The following NINL variants were observed in gnomAD, a reference collection of about 807,000 sequenced individuals.
NINL encodes the protein ninein-like protein.
In NINL, 153 loss-of-function variants were observed where a neutral mutation model predicts 160.3. The observed-to-expected ratio is 0.95, with a 90% CI of 0.84 to 1.09. The LOEUF (loss-of-function observed/expected upper bound fraction) is 1.09, where lower values mean the gene tolerates loss of function less well. NINL is among the 50% of genes least tolerant of loss of function. The pLI is 0.00. For missense variants in NINL, 1,829 were observed against 1,764.0 expected (o/e 1.04, Z -0.66); for synonymous variants, 800 against 734.8 (o/e 1.09, Z -1.43).
chr20:25,516,326 T>C (rs1301411687), intron 3 of NINL, among the ~76,000 whole-genome samples: 1 of 151,972 alleles, frequency 6.6e-6, no homozygotes, highest in East Asian at 1.9e-4. Context: ...TGATAAGGAA[T>C]AGGACCATTT....
chr20:25,467,646 C>T (rs1231353178), intron 18 of NINL, among the ~76,000 whole-genome samples, 188 bp from the exon 19 acceptor site: 1 of 152,170 alleles, frequency 6.6e-6, no homozygotes, highest in Non-Finnish European at 1.5e-5. Flanking sequence ...ACGACGATCC[C>T]GTCTTCCATG....
intron 1 of NINL, among the ~76,000 whole-genome samples, chr20:25,538,971 G>C (rs931022983): frequency 6.6e-6 from 1 of 152,172 alleles, no homozygotes; most frequent in Non-Finnish European, 1.5e-5. Context: ...GAGAGGCCCT[G>C]CCCACTGACC....
At chr20:25,562,188 G>A (rs1202528744) in intron 1 of NINL, among the ~76,000 whole-genome samples, 21 of 124,104 alleles carry the variant, frequency 1.7e-4, no homozygotes, top group Non-Finnish European at 2.3e-4. Flanking sequence ...TCAGCCCCCT[G>A]CCCGGCCAGC....
At chr20:25,537,918 C>T (rs530377828) in intron 1 of NINL, among the ~76,000 whole-genome samples, 8 of 152,346 alleles carry the variant, frequency 5.3e-5, no homozygotes, top group South Asian at 2.1e-4. Flanking sequence ...TCTACACTCG[C>T]ACTCTTGCTG....
intron 14 of NINL, among the ~76,000 whole-genome samples, chr20:25,481,457 T>C (rs990150590): frequency 6.6e-6 from 1 of 152,112 alleles, no homozygotes; most frequent in African/African-American, 2.4e-5. Context: ...TTGGAGCTTG[T>C]CCTAATCCCA....
intron 13 of NINL, 23 bp from the exon 14 acceptor site, chr20:25,482,123 C>T (rs749778406): frequency 1.3e-6 from 2 of 1,584,914 alleles, no homozygotes; most frequent in East Asian, 4.5e-5. Flanking sequence ...AGCCAGCCAC[C>T]TCCTCTAGCA....
intron 20 of NINL, among the ~76,000 whole-genome samples, 181 bp from the exon 21 acceptor site, chr20:25,461,816 A>G (rs2062793710): frequency 6.6e-6 from 1 of 152,168 alleles, no homozygotes; most frequent in Non-Finnish European, 1.5e-5. Flanking sequence ...TCCTCTACAC[A>G]CACGCATCTC....
chr20:25,490,125 C>T (rs2063593921), intron 11 of NINL, 140 bp from the exon 12 acceptor site: 1 of 769,270 alleles, frequency 1.3e-6, no homozygotes, highest in Admixed American at 2.2e-5. Flanking sequence ...GCACCTGGTG[C>T]TGTGCAGGCG....
chr20:25,501,070 CTGA>C, intron 7 of NINL, 60 bp from the exon 8 acceptor site: 1 of 1,550,080 alleles, frequency 6.5e-7, no homozygotes, highest in Non-Finnish European at 8.7e-7. Context: ...CTGTGTGCTG[CTGA>C]TGTGCTCTCC....
chr20:25,542,112 TG>T (rs1171443507), intron 1 of NINL, among the ~76,000 whole-genome samples: 1 of 152,148 alleles, frequency 6.6e-6, no homozygotes, highest in East Asian at 1.9e-4. Flanking sequence ...GAGTGGGCAG[TG>T]GGGACCCTGT....
intron 1 of NINL, among the ~76,000 whole-genome samples, chr20:25,542,302 G>A: frequency 6.6e-6 from 1 of 152,272 alleles, no homozygotes; most frequent in Non-Finnish European, 1.5e-5. Context: ...CAGGTCACTG[G>A]CTGACTGTGA....
At chr20:25,509,504 C>A (rs959372316) in intron 5 of NINL, among the ~76,000 whole-genome samples, 1 of 152,200 alleles carries the variant, frequency 6.6e-6, no homozygotes, top group African/African-American at 2.4e-5. Context: ...AGCTCTTGTT[C>A]CCAAGCTCGG....
intron 1 of NINL, among the ~76,000 whole-genome samples, chr20:25,558,756 T>G (rs2064898409): frequency 6.6e-6 from 1 of 152,198 alleles, no homozygotes; most frequent in African/African-American, 2.4e-5. Flanking sequence ...AGACTGTGTT[T>G]AGGCCAAGAG....
intron 1 of NINL, among the ~76,000 whole-genome samples, chr20:25,565,075 T>G (rs1477994050): frequency 1.3e-5 from 2 of 152,196 alleles, no homozygotes; most frequent in Admixed American, 6.5e-5. Flanking sequence ...TCATAAGTTT[T>G]GTTACATCTC....
At chr20:25,500,468 C>G (rs1407269122) in intron 8 of NINL, among the ~76,000 whole-genome samples, 1 of 152,182 alleles carries the variant, frequency 6.6e-6, no homozygotes, top group Non-Finnish European at 1.5e-5. Context: ...CTGAGATCAT[C>G]AGTAACTGCT....
intron 19 of NINL, among the ~76,000 whole-genome samples, chr20:25,465,513 C>G (rs554862771): frequency 8.1e-4 from 123 of 152,142 alleles, no homozygotes; most frequent in Non-Finnish European, 7.2e-4. Flanking sequence ...CCTGACACCC[C>G]CCACGACACT....
chr20:25,526,314 T>C, intron 2 of NINL, 94 bp downstream of exon 2: 3 of 1,167,468 alleles, frequency 2.6e-6, no homozygotes, highest in South Asian at 1.6e-5. Context: ...CCTTTGACAC[T>C]TGAATCCTTA....
intron 1 of NINL, among the ~76,000 whole-genome samples, chr20:25,534,038 C>T (rs1173569688): frequency 6.6e-6 from 1 of 152,096 alleles, no homozygotes; most frequent in Non-Finnish European, 1.5e-5. Context: ...CAGGGGAAGC[C>T]AAAAGAAAAG....
Position 25,505,082 on chromosome 20 carries a change from A to G in NINL, c.518-4T>C. 1 of 1,571,998 alleles carries G rather than the reference A, an allele frequency of 6.4e-7. No individual in the cohort carries two copies. Among genetic ancestry groups the G allele is most frequent in the Middle Eastern group, 1.7e-4 (1 of 5,882 alleles). On this transcript the variant is annotated splice_polypyrimidine_tract_variant and splice_region_variant and intron_variant, in intron 5 of 23. Transcript: ENST00000278886. ...GAATCCCAGGTCTGCAGCTGTCCTG[A>G]AGCAAGGGAGGAGTCACAGTTACAC...
Sources: allele counts gnomAD v4.1 joint callset (sites outside exome capture counted in the v4.1 genomes callset), GRCh38; gene constraint gnomAD v4.1.1; transcripts MANE v1.5; gene names NCBI Gene and HGNC (gene_info 2026-07-23, HGNC 2026-07-21).